The following APP variants were observed in gnomAD, a reference collection of about 807,000 sequenced individuals.
APP encodes the protein amyloid beta precursor protein.
APP carries 31 observed loss-of-function variants against 101.4 expected under a neutral mutation model. That is an observed-to-expected ratio of 0.31 (90% CI 0.23 to 0.41). The LOEUF is 0.41. Ranked by LOEUF, APP falls within the 10% of genes least tolerant of loss-of-function variation. The pLI is 1.00. For missense variants in APP, 839 were observed against 1,003.7 expected (o/e 0.84, Z 2.22); for synonymous variants, 366 against 364.4 (o/e 1.00, Z -0.05).
intron 8 of APP, among the ~76,000 whole-genome samples, chr21:25,994,794 T>C (rs1396299295): frequency 6.6e-6 from 1 of 152,258 alleles, no homozygotes; most frequent in East Asian, 1.9e-4. Flanking sequence ...CCATCTGAAT[T>C]TGACCTCCAG....
chr21:25,939,981 T>C (rs1056804222), intron 13 of APP, among the ~76,000 whole-genome samples: 2 of 152,130 alleles, frequency 1.3e-5, no homozygotes, highest in East Asian at 1.9e-4. Flanking sequence ...CAGTAGAGTA[T>C]AGTATCTTGG....
chr21:25,980,960 C>T (rs993846761), intron 9 of APP, among the ~76,000 whole-genome samples: 2 of 152,030 alleles, frequency 1.3e-5, no homozygotes, highest in Non-Finnish European at 2.9e-5. Flanking sequence ...GCAGGGTAGG[C>T]GGGTTTAGGA....
At chr21:26,112,852 T>C (rs2062359112) in intron 1 of APP, among the ~76,000 whole-genome samples, 1 of 152,196 alleles carries the variant, frequency 6.6e-6, no homozygotes, top group Non-Finnish European at 1.5e-5. Flanking sequence ...CTCTACATAG[T>C]GCCTGCTGGG....
chr21:26,083,967 G>C (rs2061648622), intron 3 of APP, among the ~76,000 whole-genome samples: 1 of 152,026 alleles, frequency 6.6e-6, no homozygotes, highest in African/African-American at 2.4e-5. Context: ...AAAAGTCCCA[G>C]AAAGAGGACA....
At chr21:25,918,522 G>A (rs1354715053) in intron 13 of APP, among the ~76,000 whole-genome samples, 1 of 151,990 alleles carries the variant, frequency 6.6e-6, no homozygotes, top group African/African-American at 2.4e-5. Flanking sequence ...CAGTGGGTGC[G>A]TGCACCGTGC....
chr21:25,916,465 T>C lies in APP; in HGVS notation c.1688-4503A>G, dbSNP rs147718864. ...TGGCTTACACACTGGCACTGGGCAATTGAGCCTATGACAAAATACCCAGAG... is the reference window on the plus strand; with the variant it reads ...TGGCTTACACACTGGCACTGGGCAACTGAGCCTATGACAAAATACCCAGAG... On this transcript the variant is annotated intron_variant, in intron 13 of 17. Transcript: ENST00000346798. Among the ~76,000 whole-genome samples the C allele has an allele frequency of 2.4e-4, 37 of 152,334 alleles. 1 individual carries two copies. In the East Asian group the frequency reaches 6.9e-3, roughly 29 times the overall value.
chr21:26,080,351 A>G (rs1336329418), intron 3 of APP, among the ~76,000 whole-genome samples: 1 of 152,244 alleles, frequency 6.6e-6, no homozygotes, highest in African/African-American at 2.4e-5. Context: ...ATGGCTAAGC[A>G]TGAATAACCA....
intron 13 of APP, chr21:25,946,096 A>T (rs1049780591): frequency 6.5e-6 from 2 of 307,768 alleles, no homozygotes; most frequent in Admixed American, 9.4e-5. Flanking sequence ...CAAAGATTTA[A>T]CTGTAAGAGC....
chr21:26,047,376 G>A lies in APP; in HGVS notation c.662+3624C>T, dbSNP rs140604690. On this transcript the variant is annotated intron_variant, in intron 5 of 17. Coordinates refer to ENST00000346798, the MANE Select transcript of APP (RefSeq NM_000484.4). ...CCTGAAGATGTTTTAAGTCAGGTAC[G>A]TTAAACTTCTATTCTGATTTTACAT... Among the ~76,000 whole-genome samples, 321 of 152,310 alleles carry A rather than the reference G, an allele frequency of 2.1e-3. 2 individuals are homozygous for A. Among genetic ancestry groups the A allele is most frequent in the African/African-American group, 7.2e-3 (301 of 41,572 alleles).
intron 1 of APP, among the ~76,000 whole-genome samples, chr21:26,156,782 G>C (rs2146361835): frequency 6.6e-6 from 1 of 152,100 alleles, no homozygotes. Context: ...AATTATGCAT[G>C]AATTAAAGGA....
At chr21:25,894,090 C>T (rs1324039617) in intron 16 of APP, among the ~76,000 whole-genome samples, 1 of 152,198 alleles carries the variant, frequency 6.6e-6, no homozygotes, top group Non-Finnish European at 1.5e-5. Flanking sequence ...CATCTCTTAA[C>T]AGCATGGTTT....
At chr21:26,002,260 C>T (rs951387749) in intron 6 of APP, among the ~76,000 whole-genome samples, 1 of 152,202 alleles carries the variant, frequency 6.6e-6, no homozygotes, top group African/African-American at 2.4e-5. Context: ...GCTGACTGTC[C>T]CTCCTGTTGA....
In APP at chr21:25,961,151, G is replaced by C. The variant is rs540937649; in HGVS notation, c.1459-5396C>G. Among the ~76,000 whole-genome samples, 109 of 152,204 alleles carry C rather than the reference G, an allele frequency of 7.2e-4. 2 individuals carry two copies. The highest frequency in any genetic ancestry group is 6.8e-3 in the Middle Eastern group (2 of 294). ...AGGCTAATCAGAAACTCAAAAGAAT[G>C]CAACTGTTCATCTCACCTATCTCTG... On this transcript the variant is annotated intron_variant, in intron 11 of 17. Transcript: ENST00000346798.
At chr21:26,161,445 TTCC>T (rs1318682515) in intron 1 of APP, among the ~76,000 whole-genome samples, 1 of 152,200 alleles carries the variant, frequency 6.6e-6, no homozygotes, top group African/African-American at 2.4e-5. Flanking sequence ...AGTCACTTCC[TTCC>T]TCCTTTTTAT....
intron 6 of APP, among the ~76,000 whole-genome samples, chr21:26,016,957 G>T (rs1215541645): frequency 2.3e-5 from 3 of 131,448 alleles, no homozygotes; most frequent in Non-Finnish European, 4.7e-5. Flanking sequence ...GGGGCGGGGG[G>T]TGCCGCCAAG....
Position 26,159,699 on chromosome 21 carries a change from GCAA to G in APP, c.57+10862_57+10864del, listed in dbSNP as rs571032661. Among the ~76,000 whole-genome samples, 1,019 of 152,220 alleles carry G rather than the reference GCAA, an allele frequency of 6.7e-3. 10 individuals carry two copies. The highest frequency in any genetic ancestry group is 9.1e-3 in the Non-Finnish European group (617 of 68,022). The stretch of plus-strand genomic sequence containing the variant: ...GAATGCATCCAATGTCTTTTTCTCT[GCAA>G]CAACAAGACACTAATATTTTTTTCT... On this transcript the variant is annotated intron_variant, in intron 1 of 17. Transcript: ENST00000346798.
intron 13 of APP, among the ~76,000 whole-genome samples, chr21:25,950,438 T>C (rs911229135): frequency 6.8e-6 from 1 of 147,688 alleles, no homozygotes; most frequent in Non-Finnish European, 1.5e-5. Context: ...TGGAGTGCAA[T>C]AGTGCAATCT....
At chr21:25,891,397 GTTGC>G (rs2037685878) in intron 17 of APP, among the ~76,000 whole-genome samples, 1 of 150,914 alleles carries the variant, frequency 6.6e-6, no homozygotes, top group Non-Finnish European at 1.5e-5. Flanking sequence ...ACTGGTTTTT[GTTGC>G]TTGTGTTTGA....
At chr21:26,075,923 C>T (rs1601398527) in intron 3 of APP, among the ~76,000 whole-genome samples, 1 of 152,042 alleles carries the variant, frequency 6.6e-6, no homozygotes, top group South Asian at 2.1e-4. Context: ...GACGGAGTTT[C>T]GCTCTTGTCA....
Sources: allele counts gnomAD v4.1 joint callset (sites outside exome capture counted in the v4.1 genomes callset), GRCh38; gene constraint gnomAD v4.1.1; transcripts MANE v1.5; gene names NCBI Gene and HGNC (gene_info 2026-07-23, HGNC 2026-07-21).